Variants in MAP3K4 observed in about 807,000 individuals in gnomAD.
MAP3K4 encodes the protein MAP three kinase 1.
MAP3K4 carries 67 observed loss-of-function variants against 185.6 expected under a neutral mutation model. The observed-to-expected ratio is 0.36, with a 90% CI of 0.30 to 0.44. MAP3K4 has a LOEUF of 0.44. MAP3K4 is among the 20% of genes least tolerant of loss of function. The pLI is 1.00. For missense variants in MAP3K4, 1,551 were observed against 1,995.1 expected, an observed-to-expected ratio of 0.78 and a Z score of 4.24; for synonymous variants, 702 against 710.4, an observed-to-expected ratio of 0.99 and a Z score of 0.19.
rs753749886 is a variant in MAP3K4 at position 161,049,182 on chromosome 6, G to A, written c.910G>A (p.Asp304Asn). 5.0e-6 allele frequency: 8 copies of A among 1,614,034 alleles called. No homozygotes were observed. Among genetic ancestry groups the A allele is most frequent in the Non-Finnish European group, 2.5e-6 (3 of 1,179,960 alleles). Residue 304 changes from aspartate (D) to asparagine (N), a missense_variant, in exon 3 of 27, where the codon GAC becomes AAC. Asp to Asn is a conservative substitution (Grantham distance 23). This residue lies in a region of MAP3K4 where 69 missense variants were observed against 124.8 expected (regional missense o/e 0.55). Transcript: ENST00000392142. The surrounding 1 kb of genome is among the most constrained non-coding windows in gnomAD (Gnocchi z 8.4). ...TAATGAAATCCTTACTTTCAAAGTC[G>A]ACTATGGGAGCTTCGCCTTTGTTAG... The part of the protein sequence containing the change: ...IINEILTFKV[D>N]YGSFAFVRDR...
At chr6:161,036,111 G>A (rs1011854919) in intron 2 of MAP3K4, among the ~76,000 whole-genome samples, 7 of 152,196 alleles carry the variant, frequency 4.6e-5, no homozygotes, top group Non-Finnish European at 8.8e-5. Flanking sequence ...GATGTTTGTT[G>A]AGGTTCTGTT....
At position 161,096,007 on chromosome 6, in the gene MAP3K4, G is replaced by GT. The variant is rs915241586; in HGVS notation, c.3428-1064dup. On this transcript the variant is annotated intron_variant, in intron 15 of 26. Coordinates refer to ENST00000392142, the MANE Select transcript of MAP3K4 (RefSeq NM_005922.4). The surrounding 1 kb of genome is among the most constrained non-coding windows in gnomAD (Gnocchi z 4.9). ...CAATTAAAGACTCACCAAATCTTTTGTTTTTTTTTAACCTTTGTTACTATT... is the reference window on the plus strand; with the variant it reads ...CAATTAAAGACTCACCAAATCTTTTGTTTTTTTTTTAACCTTTGTTACTATT... 1.7e-4 allele frequency among the ~76,000 whole-genome samples: 26 copies of GT among 150,158 alleles called. No individual in the cohort carries two copies. Among genetic ancestry groups the GT allele is most frequent in the East Asian group, 1.4e-3 (7 of 5,130 alleles).
rs1186629583 is a variant in MAP3K4, at chr6:161,084,435, T to G, written c.2256-66T>G. 1.3e-6 allele frequency: 1 copy of G among 793,906 alleles called. No homozygotes were observed. Among genetic ancestry groups the G allele is most frequent in the South Asian group, 1.5e-5 (1 of 67,642 alleles). The allele number at this position is 793,906 out of a possible 1,614,324, so 49.2% of individuals were successfully genotyped here. On this transcript the variant is annotated intron_variant, in intron 6 of 26. Transcript: ENST00000392142. The surrounding 1 kb of genome is among the most constrained non-coding windows in gnomAD (Gnocchi z 4.6). ...TAGCTGAGCCTTTCAAGTTTCTCAG[T>G]CAAGAATTAGGCTATGAGTAGGGAC...
At chr6:161,001,966 T>C (rs181347097) in intron 1 of MAP3K4, among the ~76,000 whole-genome samples, 160 of 151,876 alleles carry the variant, frequency 1.1e-3, no homozygotes, top group Middle Eastern at 3.4e-3. Context: ...TGAGGCTGGA[T>C]ACTTTTAAAA....
chr6:161,010,828 A>G (rs776920227), intron 1 of MAP3K4, among the ~76,000 whole-genome samples: 1 of 152,194 alleles, frequency 6.6e-6, no homozygotes, highest in Non-Finnish European at 1.5e-5. Flanking sequence ...ATTTTGAGTT[A>G]AGGTTAATTA....
chr6:161,050,313 A>G (rs1453077618), intron 3 of MAP3K4, among the ~76,000 whole-genome samples: 1 of 152,220 alleles, frequency 6.6e-6, no homozygotes, highest in African/African-American at 2.4e-5. Context: ...TGAGTCAGGA[A>G]AAAAGTCCAC....
At chr6:161,024,068 G>A (rs1782527954) in intron 1 of MAP3K4, among the ~76,000 whole-genome samples, 1 of 152,098 alleles carries the variant, frequency 6.6e-6, no homozygotes, top group Non-Finnish European at 1.5e-5. Context: ...TTGGGTTCAA[G>A]CGATTCTCTT....
intron 18 of MAP3K4, among the ~76,000 whole-genome samples, chr6:161,102,308 CTG>C (rs1372704521): frequency 6.6e-6 from 1 of 152,170 alleles, no homozygotes; most frequent in African/African-American, 2.4e-5. Context: ...AAAAGTGACA[CTG>C]TGTTTGTTGA....
chr6:161,059,378 C>G (rs1038489483), intron 3 of MAP3K4, among the ~76,000 whole-genome samples: 1 of 152,176 alleles, frequency 6.6e-6, no homozygotes, highest in Non-Finnish European at 1.5e-5. Context: ...CTCAAGTGAT[C>G]TGCCTGCCTT....
chr6:161,098,533 TGTGGCG>T lies in MAP3K4; in HGVS notation c.3674+107_3674+112del. The T allele has an allele frequency of 2.2e-6, 3 of 1,379,156 alleles. No individual in the cohort carries two copies. The highest frequency in any genetic ancestry group is 2.9e-6 in the Non-Finnish European group (3 of 1,025,602). 85.4% of individuals were successfully genotyped at this position (1,379,156 alleles called of 1,614,324 possible). A position where few individuals can be genotyped will look rare whatever the true frequency, so the allele number is the denominator to read the frequency against. ...GCCGGCTGTGGTTGGGCTTCTTTGCTGTGGCGTGTGAGTGATGCTCTAGGGCCTTCC... is the reference window on the plus strand; with the variant it reads ...GCCGGCTGTGGTTGGGCTTCTTTGCTTGTGAGTGATGCTCTAGGGCCTTCC... On this transcript the variant is annotated intron_variant, in intron 17 of 26. Transcript: ENST00000392142. This position sits in a 1 kb window ranked among gnomAD's most constrained non-coding sequence, Gnocchi z 4.4.
In MAP3K4 at chr6:161,034,579, T is replaced by TA; in HGVS notation, c.343+130_343+131insA. 5.4e-6 allele frequency: 4 copies of TA among 735,804 alleles called. No individual in the cohort carries two copies. The highest frequency in any genetic ancestry group is 6.4e-6 in the Non-Finnish European group (3 of 466,516). 45.6% of individuals were successfully genotyped at this position (735,804 alleles called of 1,614,324 possible). ...ATGCTCCTGTAAAGTTCAATTTTTT[T>TA]TTGAATTATTACCATTAGTATTAAT... On this transcript the variant is annotated intron_variant, in intron 2 of 26. Transcript: ENST00000392142. This position sits in a 1 kb window ranked among gnomAD's most constrained non-coding sequence, Gnocchi z 4.4.
In MAP3K4 at chr6:161,098,762, AGTCACAAG is replaced by A. The variant is rs1281332113; in HGVS notation, c.3674+338_3674+345del. Among the ~76,000 whole-genome samples the A allele has an allele frequency of 1.3e-5, 2 of 152,240 alleles. No homozygotes were observed. Among genetic ancestry groups the A allele is most frequent in the African/African-American group, 4.8e-5 (2 of 41,464 alleles). On this transcript the variant is annotated intron_variant, in intron 17 of 26. Transcript: ENST00000392142. The surrounding 1 kb of genome is among the most constrained non-coding windows in gnomAD (Gnocchi z 4.4). ...ATTTTGCCTCACAGAGAGAGCCTGG[AGTCACAAG>A]GTGGTTAAAAGATGGCATCTAGTTA...
rs1785749896 is a variant in MAP3K4, at chr6:161,086,938, A to G, written c.2556+271A>G. Among the ~76,000 whole-genome samples the G allele has an allele frequency of 6.6e-6, 1 of 152,246 alleles. No homozygotes were observed. The highest frequency in any genetic ancestry group is 1.5e-5 in the Non-Finnish European group (1 of 68,052). On this transcript the variant is annotated intron_variant, in intron 9 of 26. Transcript: ENST00000392142. This position sits in a 1 kb window ranked among gnomAD's most constrained non-coding sequence, Gnocchi z 4.8. ...TAATTTAGTTACACATATTTAAAATAATGTGTATAAGGAGATAATATTCAT... is the reference window on the plus strand; with the variant it reads ...TAATTTAGTTACACATATTTAAAATGATGTGTATAAGGAGATAATATTCAT...
intron 19 of MAP3K4, among the ~76,000 whole-genome samples, chr6:161,104,571 C>T (rs1051835644): frequency 4.6e-5 from 7 of 151,766 alleles, no homozygotes; most frequent in African/African-American, 1.7e-4. Context: ...ATTAACTGGA[C>T]GTGGTGGTGC....
chr6:161,038,427 A>T (rs1467655200), intron 2 of MAP3K4, among the ~76,000 whole-genome samples: 1 of 152,204 alleles, frequency 6.6e-6, no homozygotes, highest in East Asian at 1.9e-4. Flanking sequence ...AATTAATTAG[A>T]TTGGTCAGAT....
intron 1 of MAP3K4, among the ~76,000 whole-genome samples, chr6:161,016,044 A>ACG (rs370182702): frequency 4.0e-4 from 61 of 152,242 alleles, no homozygotes; most frequent in African/African-American, 1.4e-3. Context: ...ATCTTTGTCA[A>ACG]CGCGTTGTCT....
At position 161,037,789 on chromosome 6, in the gene MAP3K4, A is replaced by G. The variant is rs1783246468; in HGVS notation, c.343+3340A>G. On this transcript the variant is annotated intron_variant, in intron 2 of 26. Transcript: ENST00000392142. This position sits in a 1 kb window ranked among gnomAD's most constrained non-coding sequence, Gnocchi z 4.2. ...TTAAATCTTAAAGCAAAATTAAATA[A>G]TTACATTGTTGACATATCCTTATTA... 6.6e-6 allele frequency among the ~76,000 whole-genome samples: 1 copy of G among 152,194 alleles called. No individual in the cohort carries two copies. The highest frequency in any genetic ancestry group is 6.5e-5 in the Admixed American group (1 of 15,270).
In MAP3K4 at chr6:161,109,999, T is replaced by A; in HGVS notation, c.4396+85T>A. The A allele has an allele frequency of 7.2e-7, 1 of 1,389,398 alleles. No individual in the cohort carries two copies. The highest frequency in any genetic ancestry group is 1.0e-6 in the Non-Finnish European group (1 of 991,284). The allele number at this position is 1,389,398 out of a possible 1,614,324, so 86.1% of individuals were successfully genotyped here. A position where few individuals can be genotyped will look rare whatever the true frequency, so the allele number is the denominator to read the frequency against. On this transcript the variant is annotated intron_variant, in intron 23 of 26. Coordinates refer to ENST00000392142, the MANE Select transcript of MAP3K4 (RefSeq NM_005922.4). This position sits in a 1 kb window ranked among gnomAD's most constrained non-coding sequence, Gnocchi z 5.7. ...GGTGCTCTGAAGACGCTCATCCCATTCCCACATATGATTTCTCTAGATGGA... is the reference window on the plus strand; with the variant it reads ...GGTGCTCTGAAGACGCTCATCCCATACCCACATATGATTTCTCTAGATGGA...
rs992642885 is a variant in MAP3K4 at position 161,093,616 on chromosome 6, A to G, written c.3349-157A>G. ...TACACTGTATTATTTTAAATTACAT[A>G]CAATTTGTGTTTATACCTATTTTCT... On this transcript the variant is annotated intron_variant, in intron 14 of 26. Transcript: ENST00000392142. This position sits in a 1 kb window ranked among gnomAD's most constrained non-coding sequence, Gnocchi z 5.2. 1.3e-5 allele frequency among the ~76,000 whole-genome samples: 2 copies of G among 152,244 alleles called. No individual in the cohort carries two copies. Among genetic ancestry groups the G allele is most frequent in the African/African-American group, 4.8e-5 (2 of 41,468 alleles).
Sources: allele counts gnomAD v4.1 joint callset (sites outside exome capture counted in the v4.1 genomes callset), GRCh38; gene constraint gnomAD v4.1.1; regional missense constraint gnomAD v4.1.1; non-coding constraint Gnocchi (gnomAD v3.1); transcripts MANE v1.5; gene names NCBI Gene and HGNC (gene_info 2026-07-23, HGNC 2026-07-21).